Variants in CDK15 observed in about 807,000 individuals in gnomAD.
The protein encoded by CDK15 is cyclin dependent kinase 15, also known as cyclin-dependent kinase 15.
A neutral mutation model predicts 60.3 loss-of-function variants in CDK15; 62 were observed. The observed-to-expected ratio is 1.03, with a 90% CI of 0.84 to 1.27. The LOEUF is 1.27. Ranked by LOEUF, CDK15 falls within the 50% of genes most tolerant of loss-of-function variation. The pLI is 0.00. For synonymous variants in CDK15, 194 were observed against 195.7 expected (o/e 0.99, Z 0.07); for missense variants, 541 against 527.8 (o/e 1.03, Z -0.25).
At chr2:201,814,526 C>A (rs559687938) in intron 4 of CDK15, among the ~76,000 whole-genome samples, 1 of 152,084 alleles carries the variant, frequency 6.6e-6, no homozygotes, top group Non-Finnish European at 1.5e-5. Flanking sequence ...AGGCTTTATT[C>A]GAAAACTTTG....
In CDK15 at chr2:201,807,842, C is replaced by T. The variant is rs746569767; in HGVS notation, c.274-16C>T. 3.1e-6 allele frequency: 5 copies of T among 1,595,038 alleles called. 1 individual carries two copies. The highest frequency in any genetic ancestry group is 1.1e-5 in the South Asian group (1 of 87,660). On this transcript the variant is annotated splice_polypyrimidine_tract_variant and intron_variant, in intron 2 of 13. Coordinates refer to ENST00000652192, the MANE Select transcript of CDK15 (RefSeq NM_001366386.2). ...TTCCCTTTCACCCGCTCCTTTTCCC[C>T]ATTCCCCTAGAGCAGAGGAAGAGCC...
At chr2:201,885,998 G>A (rs1699437862) in intron 12 of CDK15, among the ~76,000 whole-genome samples, 1 of 152,178 alleles carries the variant, frequency 6.6e-6, no homozygotes, top group Non-Finnish European at 1.5e-5. Flanking sequence ...ACTCCTAAAA[G>A]CTACTCCTTT....
intron 12 of CDK15, among the ~76,000 whole-genome samples, chr2:201,883,870 A>G (rs138987037): frequency 2.6e-4 from 39 of 152,322 alleles, no homozygotes; most frequent in African/African-American, 7.7e-4. Flanking sequence ...CTGCAGGTTC[A>G]GCTTCTTCAT....
At chr2:201,815,161 G>A (rs1230299639) in intron 4 of CDK15, among the ~76,000 whole-genome samples, 1 of 152,114 alleles carries the variant, frequency 6.6e-6, no homozygotes, top group African/African-American at 2.4e-5. Context: ...ATGTTGGCCA[G>A]GCTGGTCTTG....
chr2:201,830,129 T>TG (rs1696685047), intron 6 of CDK15, among the ~76,000 whole-genome samples: 2 of 151,894 alleles, frequency 1.3e-5, no homozygotes, highest in Non-Finnish European at 2.9e-5. Context: ...TTTATAGAGA[T>TG]GGGGTCTTGC....
At chr2:201,810,373 CAA>C (rs111317908) in intron 3 of CDK15, among the ~76,000 whole-genome samples, 3 of 138,246 alleles carry the variant, frequency 2.2e-5, no homozygotes. Flanking sequence ...TCAAATAGGC[CAA>C]AAAAAAAAAG....
At chr2:201,831,684 G>A (rs992893011) in intron 6 of CDK15, among the ~76,000 whole-genome samples, 2 of 152,168 alleles carry the variant, frequency 1.3e-5, no homozygotes, top group African/African-American at 4.8e-5. Context: ...TGTGGGAAGG[G>A]ACTGTGGCTA....
chr2:201,820,436 A>G (rs547259998), intron 4 of CDK15, among the ~76,000 whole-genome samples: 18 of 152,304 alleles, frequency 1.2e-4, no homozygotes, highest in African/African-American at 4.3e-4. Flanking sequence ...GTAATGCTTT[A>G]CATTTACCAA....
intron 12 of CDK15, among the ~76,000 whole-genome samples, chr2:201,887,097 AAAG>A (rs1336024412): frequency 6.6e-6 from 1 of 152,232 alleles, no homozygotes; most frequent in Non-Finnish European, 1.5e-5. Context: ...TTTTAAATAA[AAAG>A]AAGCAATGTC....
chr2:201,861,369 A>AT, intron 10 of CDK15: 2 of 985,796 alleles, frequency 2.0e-6, no homozygotes, highest in Non-Finnish European at 1.2e-6. Context: ...GTGTATACTT[A>AT]TTGGAAATGG....
At chr2:201,810,837 C>CT (rs199591982) in intron 3 of CDK15, among the ~76,000 whole-genome samples, 4,451 of 123,346 alleles carry the variant, frequency 0.036, 120 homozygotes, top group African/African-American at 0.066. Context: ...GGTATGCACT[C>CT]TTTTTTTTTT....
intron 9 of CDK15, among the ~76,000 whole-genome samples, chr2:201,849,485 T>G (rs143782708): frequency 2.6e-5 from 4 of 151,920 alleles, no homozygotes; most frequent in African/African-American, 9.7e-5. Context: ...TTACTCACCA[T>G]ATATGAGGCG....
At chr2:201,877,291 A>G (rs1699112903) in intron 11 of CDK15, among the ~76,000 whole-genome samples, 1 of 152,108 alleles carries the variant, frequency 6.6e-6, no homozygotes, top group Admixed American at 6.5e-5. Flanking sequence ...AGCCCTCACT[A>G]CAGGGCAGTT....
At chr2:201,891,557 A>T (rs1699639826) in intron 13 of CDK15, among the ~76,000 whole-genome samples, 1 of 152,028 alleles carries the variant, frequency 6.6e-6, no homozygotes, top group South Asian at 2.1e-4. Flanking sequence ...TGTGGCACAA[A>T]TTACCTTCCA....
At chr2:201,840,738 C>A (rs562762560) in intron 8 of CDK15, among the ~76,000 whole-genome samples, 1 of 152,146 alleles carries the variant, frequency 6.6e-6, no homozygotes, top group African/African-American at 2.4e-5. Flanking sequence ...TTGTTGCTGT[C>A]GAGGAGTTTG....
rs929999485 is a variant in CDK15, at chr2:201,876,516, G to T, written c.1059-3512G>T. 1.1e-5 allele frequency: 13 copies of T among 1,197,640 alleles called. No homozygotes were observed. In the African/African-American group the frequency reaches 2.1e-4, roughly 19 times the overall value. 74.2% of individuals were successfully genotyped at this position (1,197,640 alleles called of 1,614,324 possible). The stretch of plus-strand genomic sequence containing the variant: ...TACAGGGGAGACCGACACACACTTG[G>T]CTCCTAGGAGGAAGAGACTTCACTT... On this transcript the variant is annotated intron_variant, in intron 11 of 13. Transcript: ENST00000652192.
chr2:201,843,651 G>A (rs1200116143), intron 8 of CDK15, among the ~76,000 whole-genome samples: 2 of 152,092 alleles, frequency 1.3e-5, no homozygotes, highest in Non-Finnish European at 2.9e-5. Flanking sequence ...TACATAGTGT[G>A]TGTGCATGTG....
At chr2:201,836,073 T>TTTATACATATATTTATATATA (rs1697038697) in intron 8 of CDK15, among the ~76,000 whole-genome samples, 1 of 106,684 alleles carries the variant, frequency 9.4e-6, no homozygotes, top group African/African-American at 3.9e-5. Flanking sequence ...TATATTTATA[T>TTTATACATATATTTATATATA]TTATATATAT....
At chr2:201,862,687 G>T (rs1257894954) in intron 10 of CDK15, among the ~76,000 whole-genome samples, 1 of 152,188 alleles carries the variant, frequency 6.6e-6, no homozygotes, top group Non-Finnish European at 1.5e-5. Flanking sequence ...GAGAGCTGAG[G>T]CTTTGAGAGA....
Sources: gnomAD v4.1 joint callset for allele counts (sites outside exome capture counted in the v4.1 genomes callset) on GRCh38, gnomAD v4.1.1 for gene constraint, MANE v1.5 for transcripts, NCBI Gene and HGNC (gene_info 2026-07-23, HGNC 2026-07-21) for gene names.